The following ZFAND4 variants were observed in gnomAD, a reference collection of about 807,000 sequenced individuals.
ZFAND4 encodes zinc finger AN1-type containing 4.
A neutral mutation model predicts 64.4 loss-of-function variants in ZFAND4; 43 were observed. That is an observed-to-expected ratio of 0.67 (90% CI 0.52 to 0.86). The LOEUF (loss-of-function observed/expected upper bound fraction) is 0.86. Ranked by LOEUF, ZFAND4 falls within the 40% of genes least tolerant of loss-of-function variation. The pLI, the probability that ZFAND4 is intolerant of heterozygous loss-of-function variation, is 0.00. For synonymous variants in ZFAND4, 296 were observed against 305.7 expected, an observed-to-expected ratio of 0.97 and a Z score of 0.33; for missense variants, 929 against 859.8, an observed-to-expected ratio of 1.08 and a Z score of -1.01.
intron 6 of ZFAND4, among the ~76,000 whole-genome samples, chr10:45,638,647 T>C (rs1420900522): frequency 6.6e-6 from 1 of 152,100 alleles, no homozygotes; most frequent in Non-Finnish European, 1.5e-5. Context: ...AAAGAATGTA[T>C]GAGAATATTC....
At chr10:45,629,356 C>G (rs1292266572) in intron 6 of ZFAND4, among the ~76,000 whole-genome samples, 2 of 152,130 alleles carry the variant, frequency 1.3e-5, no homozygotes, top group Admixed American at 6.5e-5. Flanking sequence ...GCCACCACAC[C>G]GGGCATTAAA....
chr10:45,669,504 G>A (rs761723126), intron 1 of ZFAND4, among the ~76,000 whole-genome samples: 1 of 152,206 alleles, frequency 6.6e-6, no homozygotes, highest in Non-Finnish European at 1.5e-5. Context: ...AATAGAAAAA[G>A]AGGGAATCCT....
intron 6 of ZFAND4, among the ~76,000 whole-genome samples, chr10:45,636,463 C>T (rs1251297282): frequency 6.6e-6 from 1 of 151,946 alleles, no homozygotes; most frequent in Non-Finnish European, 1.5e-5. Context: ...TGGTGAAACC[C>T]CGTCTCTACT....
intron 2 of ZFAND4, among the ~76,000 whole-genome samples, chr10:45,660,159 T>G (rs1319908745): frequency 1.3e-5 from 1 of 77,936 alleles, no homozygotes; most frequent in African/African-American, 4.8e-5. Flanking sequence ...GAGACGCATC[T>G]CAAAAAAAAA....
At chr10:45,660,153 C>A (rs1050798019) in intron 2 of ZFAND4, among the ~76,000 whole-genome samples, 60 of 131,754 alleles carry the variant, frequency 4.6e-4, no homozygotes, top group African/African-American at 1.6e-3. Flanking sequence ...CAGAGCGAGA[C>A]GCATCTCAAA....
chr10:45,664,752 C>A (rs2048700288), intron 1 of ZFAND4, among the ~76,000 whole-genome samples: 1 of 151,572 alleles, frequency 6.6e-6, no homozygotes, highest in African/African-American at 2.4e-5. Flanking sequence ...ATGGTGAGAC[C>A]CAATCTCTAC....
chr10:45,628,954 T>C (rs566768156), intron 6 of ZFAND4, among the ~76,000 whole-genome samples: 4 of 148,470 alleles, frequency 2.7e-5, no homozygotes, highest in Admixed American at 1.3e-4. Flanking sequence ...AGAGGTTTGC[T>C]GATGGAACAA....
chr10:45,640,254 A>C lies in ZFAND4; in HGVS notation c.570-291T>G. 2.5e-6 allele frequency: 3 copies of C among 1,215,550 alleles called. No homozygotes were observed. In the South Asian group the frequency reaches 4.9e-5, roughly 20 times the overall value. The allele number at this position is 1,215,550 out of a possible 1,614,324, so 75.3% of individuals were successfully genotyped here. A position where few individuals can be genotyped will look rare whatever the true frequency, so the allele number is the denominator to read the frequency against. ...TTTGACACCTGCCATATCATTCCCA[A>C]AGAGGCAAAATCCATTTCCATGAGA... On this transcript the variant is annotated intron_variant, in intron 5 of 9. Coordinates refer to ENST00000344646, the MANE Select transcript of ZFAND4 (RefSeq NM_174890.4).
At chr10:45,627,813 C>T (rs559470075) in intron 6 of ZFAND4, among the ~76,000 whole-genome samples, 2 of 152,302 alleles carry the variant, frequency 1.3e-5, no homozygotes, top group African/African-American at 2.4e-5. Context: ...TATATTGTTA[C>T]AACTCACTGA....
intron 3 of ZFAND4, 105 bp from the exon 4 acceptor site, chr10:45,652,138 A>C: frequency 1.0e-6 from 1 of 992,364 alleles, no homozygotes; most frequent in Non-Finnish European, 1.6e-6. Flanking sequence ...CCACTCTCTA[A>C]AATATAAAAA....
chr10:45,625,754 T>C (rs2045769510), intron 7 of ZFAND4, among the ~76,000 whole-genome samples, 197 bp downstream of exon 7: 1 of 152,158 alleles, frequency 6.6e-6, no homozygotes, highest in African/African-American at 2.4e-5. Context: ...CAAATTACTG[T>C]TCTCATTTCA....
Position 45,624,578 on chromosome 10 carries a change from C to A in ZFAND4, c.1927+5G>T, listed in dbSNP as rs552056834. 6.2e-7 allele frequency: 1 copy of A among 1,613,618 alleles called. No individual in the cohort carries two copies. The highest frequency in any genetic ancestry group is 1.3e-5 in the African/African-American group (1 of 75,018). On this transcript the variant is annotated splice_donor_5th_base_variant and intron_variant, in intron 8 of 9. Coordinates refer to ENST00000344646, the MANE Select transcript of ZFAND4 (RefSeq NM_174890.4). Reference sequence around the variant, plus strand: ...GTATTGTTTTCAAAATTATCTGTAGCTTACCTACGCTTTTCCCTGCTGCTG... The same window carrying A: ...GTATTGTTTTCAAAATTATCTGTAGATTACCTACGCTTTTCCCTGCTGCTG...
chr10:45,648,865 T>C (rs993831685), intron 4 of ZFAND4: 5 of 837,780 alleles, frequency 6.0e-6, no homozygotes, highest in South Asian at 5.5e-5. Flanking sequence ...GATTCTATGA[T>C]ATTACTATCA....
chr10:45,661,786 CA>C (rs1355266867), intron 2 of ZFAND4, among the ~76,000 whole-genome samples: 1 of 151,824 alleles, frequency 6.6e-6, no homozygotes, highest in Admixed American at 6.6e-5. Flanking sequence ...ACTAAAAGTG[CA>C]AAATCAGTCA....
rs1420655044 is a variant in ZFAND4 at position 45,625,967 on chromosome 10, T to C, written c.1856A>G (p.His619Arg). 1 of 1,613,954 alleles carries C rather than the reference T, an allele frequency of 6.2e-7. No individual in the cohort carries two copies. The highest frequency in any genetic ancestry group is 1.7e-5 in the Admixed American group (1 of 59,958). ...AATACTGACCAAAAAAACTCCTGTA[T>C]GTTCTAACTGGGGAGAACTTTTCCT... Reference protein sequence around the residue: ...NFRKSSPQLEHTGVFLSTHGV... With the variant: ...NFRKSSPQLERTGVFLSTHGV... Residue 619 changes from histidine to arginine, a missense_variant, in exon 7 of 10, where the codon CAT becomes CGT. His to Arg is a conservative substitution (Grantham distance 29). Transcript: ENST00000344646.
intron 8 of ZFAND4, among the ~76,000 whole-genome samples, chr10:45,618,834 C>T (rs1484071154): frequency 6.6e-6 from 1 of 152,054 alleles, no homozygotes; most frequent in African/African-American, 2.4e-5. Context: ...CAACTCAATC[C>T]ATATATGTAA....
chr10:45,616,968 C>T (rs1490676618), intron 9 of ZFAND4, among the ~76,000 whole-genome samples: 3 of 151,796 alleles, frequency 2.0e-5, no homozygotes, highest in African/African-American at 7.3e-5. Flanking sequence ...AGTCCAGCTA[C>T]TCGGGAGGCT....
chr10:45,664,855 C>T (rs536660013), intron 1 of ZFAND4, among the ~76,000 whole-genome samples: 221 of 152,038 alleles, frequency 1.5e-3, no homozygotes, highest in African/African-American at 5.1e-3. Context: ...GGCGTGAACC[C>T]GGGAGGCAGA....
intron 3 of ZFAND4, among the ~76,000 whole-genome samples, chr10:45,652,744 G>A (rs1203754298): frequency 1.3e-5 from 2 of 152,150 alleles, no homozygotes; most frequent in Admixed American, 6.6e-5. Context: ...CAAAAGGCAG[G>A]AGATAAACAG....
Sources: gnomAD v4.1 joint callset for allele counts (sites outside exome capture counted in the v4.1 genomes callset) on GRCh38, gnomAD v4.1.1 for gene constraint, MANE v1.5 for transcripts, NCBI Gene and HGNC (gene_info 2026-07-23, HGNC 2026-07-21) for gene names.